EMCN: variants seen among roughly 807,000 people sequenced by gnomAD.
The protein encoded by EMCN is MUC-14.
EMCN carries 37 observed loss-of-function variants against 38.4 expected under a neutral mutation model. That is an observed-to-expected ratio of 0.96 (90% CI 0.74 to 1.27). The LOEUF is 1.27. Ranked by LOEUF, EMCN falls within the 50% of genes most tolerant of loss-of-function variation. The pLI is 0.00. For synonymous variants in EMCN, 95 were observed against 100.8 expected (o/e 0.94, Z 0.35); for missense variants, 318 against 302.8 (o/e 1.05, Z -0.37).
At chr4:100,448,605 AC>A in intron 4 of EMCN, among the ~76,000 whole-genome samples, 1 of 152,100 alleles carries the variant, frequency 6.6e-6, no homozygotes, top group Non-Finnish European at 1.5e-5. Flanking sequence ...TCCACCCAGC[AC>A]CTGTATCTCT....
intron 4 of EMCN, among the ~76,000 whole-genome samples, chr4:100,453,574 G>C (rs2110249662): frequency 1.3e-5 from 2 of 152,144 alleles, no homozygotes; most frequent in Non-Finnish European, 2.9e-5. Context: ...ACTGTTGGTG[G>C]GACTGTAAAC....
chr4:100,478,767 A>C (rs1728728359), intron 2 of EMCN, among the ~76,000 whole-genome samples: 2 of 152,128 alleles, frequency 1.3e-5, no homozygotes, highest in Admixed American at 1.3e-4. Flanking sequence ...ATAATTTAAC[A>C]CTCAAGTGCA....
chr4:100,518,017 G>T lies in EMCN; in HGVS notation c.-103C>A, dbSNP rs935961497. ...TATTAGCAAATGGAAAAGGTGTAGT[G>T]AATGTGAATAGCCACTGCCCATTCC... On this transcript the variant is annotated 5_prime_UTR_variant, in exon 1 of 12. Coordinates refer to ENST00000296420, the MANE Select transcript of EMCN (RefSeq NM_016242.4). 6 of 1,099,608 alleles carry T rather than the reference G, an allele frequency of 5.5e-6. No individual in the cohort carries two copies. The African/African-American group carries it at 9.3e-5, about 17-fold the overall frequency. 68.1% of individuals were successfully genotyped at this position (1,099,608 alleles called of 1,614,324 possible).
At chr4:100,421,753 A>G (rs977586243) in intron 7 of EMCN, among the ~76,000 whole-genome samples, 2 of 152,084 alleles carry the variant, frequency 1.3e-5, no homozygotes, top group African/African-American at 4.8e-5. Context: ...ACCAAAATAT[A>G]TATAACCCAA....
chr4:100,487,144 C>A (rs1728963415), intron 1 of EMCN: 11 of 370,042 alleles, frequency 3.0e-5, no homozygotes, highest in Non-Finnish European at 4.1e-5. Context: ...AGATCCCTTT[C>A]TTCCTCCATA....
intron 11 of EMCN, among the ~76,000 whole-genome samples, chr4:100,400,590 A>G (rs760921494): frequency 6.6e-6 from 1 of 152,138 alleles, no homozygotes; most frequent in African/African-American, 2.4e-5. Flanking sequence ...ATAGTACTTG[A>G]CAAGGATTAA....
intron 5 of EMCN, among the ~76,000 whole-genome samples, chr4:100,431,809 C>T (rs28522231): frequency 0.011 from 1,602 of 152,156 alleles, 35 homozygotes; most frequent in African/African-American, 0.036. Flanking sequence ...CTCTCTCTCT[C>T]TCTCTCTGTC....
rs869169290 is a variant in EMCN, at chr4:100,475,659, CTTTT to C, written c.188-554_188-551del. On this transcript the variant is annotated intron_variant, in intron 2 of 11. Coordinates refer to ENST00000296420, the MANE Select transcript of EMCN (RefSeq NM_016242.4). The stretch of plus-strand genomic sequence containing the variant: ...TTGAGGGCAGTATCCAATTCTAGTC[CTTTT>C]TTTTTTTTTTTTTTTTTTTTTTTTT... Among the ~76,000 whole-genome samples, 251 of 59,974 alleles carry C rather than the reference CTTTT, an allele frequency of 4.2e-3. 6 individuals carry two copies. The highest frequency in any genetic ancestry group is 0.016 in the African/African-American group (188 of 11,560). 39.3% of individuals were successfully genotyped at this position (59,974 alleles called of 152,430 possible). A position where few individuals can be genotyped will look rare whatever the true frequency, so the allele number is the denominator to read the frequency against.
intron 4 of EMCN, among the ~76,000 whole-genome samples, chr4:100,452,685 T>C (rs1177971445): frequency 6.6e-6 from 1 of 152,080 alleles, no homozygotes. Flanking sequence ...ATGTATTGTT[T>C]TCTTCCCTCC....
chr4:100,398,158 A>G lies in EMCN; in HGVS notation c.*255T>C, dbSNP rs1170084427. On this transcript the variant is annotated 3_prime_UTR_variant, in exon 12 of 12. Coordinates refer to ENST00000296420, the MANE Select transcript of EMCN (RefSeq NM_016242.4). ...CCTCCTAAAATTCCTTTTCCTAGGA[A>G]CGCTCCTGTAAATGGAGTAATGGAA... 1 of 152,098 alleles carries G rather than the reference A, an allele frequency of 6.6e-6. No individual in the cohort carries two copies. The highest frequency in any genetic ancestry group is 1.5e-5 in the Non-Finnish European group (1 of 68,014). 9.4% of individuals were successfully genotyped at this position (152,098 alleles called of 1,614,324 possible). A position where few individuals can be genotyped will look rare whatever the true frequency, so the allele number is the denominator to read the frequency against.
intron 5 of EMCN, among the ~76,000 whole-genome samples, chr4:100,440,583 T>A (rs2110236295): frequency 6.6e-6 from 1 of 152,196 alleles, no homozygotes; most frequent in Non-Finnish European, 1.5e-5. Flanking sequence ...CTCTTTTTAA[T>A]GGCTGAGAAG....
chr4:100,414,494 C>G (rs1560605115), intron 10 of EMCN, among the ~76,000 whole-genome samples: 1 of 151,544 alleles, frequency 6.6e-6, no homozygotes, highest in East Asian at 1.9e-4. Flanking sequence ...GCTCCTTTGC[C>G]CCCTTCAGAT....
intron 5 of EMCN, among the ~76,000 whole-genome samples, chr4:100,434,999 C>G (rs1415864993): frequency 6.6e-6 from 1 of 152,056 alleles, no homozygotes; most frequent in African/African-American, 2.4e-5. Context: ...CACTCCTATT[C>G]AACATAGTAT....
intron 1 of EMCN, among the ~76,000 whole-genome samples, chr4:100,486,512 G>A (rs967669605): frequency 6.6e-5 from 10 of 152,166 alleles, no homozygotes; most frequent in African/African-American, 2.4e-4. Flanking sequence ...ACAGTTCTGA[G>A]AGTGTTTAAA....
At chr4:100,419,797 G>A (rs1322684681) in intron 8 of EMCN, among the ~76,000 whole-genome samples, 2 of 151,972 alleles carry the variant, frequency 1.3e-5, no homozygotes, top group Non-Finnish European at 2.9e-5. Context: ...AAAGGAAAAG[G>A]CATTGATTTG....
rs1297383758 is a variant in EMCN, at chr4:100,517,867, G to T, written c.48C>A (p.Cys16Ter). 6.2e-7 allele frequency: 1 copy of T among 1,612,618 alleles called. No homozygotes were observed. Among genetic ancestry groups the T allele is most frequent in the Non-Finnish European group, 8.5e-7 (1 of 1,178,994 alleles). ...CAAAAATACCTGTGCTGTTACTGCT[G>T]CAAATACTGGGCAGAAGAAAAAGAA... ...VTILFLLPSICSSNSTGVLEA... is the reference protein window; with the variant it reads ...VTILFLLPSI Residue 16 changes from cysteine to a stop codon, truncating the protein, a stop_gained, in exon 1 of 12, where the codon TGC (cysteine) becomes TGA (stop). Transcript: ENST00000296420. LOFTEE classifies it high-confidence loss of function.
rs1728762056 is a variant in EMCN at position 100,479,938 on chromosome 4, T to C, written c.166A>G (p.Thr56Ala). The change falls in exon 2 of 12, where the codon ACA becomes GCA. Residue 56 changes from threonine to alanine, a missense_variant. Physicochemically the swap from Thr to Ala is moderately conservative, Grantham distance 58. Coordinates refer to ENST00000296420, the MANE Select transcript of EMCN (RefSeq NM_016242.4). Reference sequence around the variant, plus strand: ...CTACCTTTAGGAGTTGTTCCAGTTGTTGGTGTGACAACATTTTTCTGTAAT... The same window carrying C: ...CTACCTTTAGGAGTTGTTCCAGTTGCTGGTGTGACAACATTTTTCTGTAAT... Reference protein sequence around the residue: ...ESLQKNVVTPTTGTTPKGTIT... With the variant: ...ESLQKNVVTPATGTTPKGTIT... 1 of 1,608,922 alleles carries C rather than the reference T, an allele frequency of 6.2e-7. No individual in the cohort carries two copies. The highest frequency in any genetic ancestry group is 1.3e-5 in the African/African-American group (1 of 74,544).
intron 3 of EMCN, among the ~76,000 whole-genome samples, chr4:100,469,575 TAA>T (rs1343936812): frequency 2.1e-4 from 13 of 62,588 alleles, no homozygotes; most frequent in Non-Finnish European, 3.6e-4. Context: ...TTATTTAATT[TAA>T]GTCTTTAATC....
chr4:100,476,955 A>C (rs544843338), intron 2 of EMCN, among the ~76,000 whole-genome samples: 23 of 152,308 alleles, frequency 1.5e-4, no homozygotes, highest in Admixed American at 3.3e-4. Flanking sequence ...ATCATACAAG[A>C]AATTTCCAAG....
Sources: gnomAD v4.1 joint callset for allele counts (sites outside exome capture counted in the v4.1 genomes callset) on GRCh38, gnomAD v4.1.1 for gene constraint, MANE v1.5 for transcripts, NCBI Gene and HGNC (gene_info 2026-07-23, HGNC 2026-07-21) for gene names.